APBA1: variants seen among roughly 807,000 people sequenced by gnomAD.
The protein encoded by APBA1 is amyloid-beta A4 precursor protein-binding family A member 1.
APBA1 carries 55 observed loss-of-function variants against 86.6 expected under a neutral mutation model. The observed-to-expected ratio is 0.64, with a 90% CI of 0.51 to 0.80. APBA1 has a LOEUF of 0.80. Among genes scored for constraint, APBA1 ranks in the 30% least tolerant of loss-of-function variants. The probability of loss-of-function intolerance (pLI) is 0.00; values close to 1 mark genes in which losing one functional copy is unlikely to be tolerated. For missense variants in APBA1, 1,090 were observed against 1,183.0 expected, an observed-to-expected ratio of 0.92 and a Z score of 1.15; for synonymous variants, 511 against 493.9, an observed-to-expected ratio of 1.03 and a Z score of -0.46.
intron 1 of APBA1, among the ~76,000 whole-genome samples, chr9:69,647,015 A>C (rs1823404755): frequency 6.6e-6 from 1 of 152,182 alleles, no homozygotes; most frequent in Admixed American, 6.5e-5. Flanking sequence ...TATGCTGCCA[A>C]TACTGCCTGC....
intron 10 of APBA1, among the ~76,000 whole-genome samples, chr9:69,444,430 T>C (rs1372818621): frequency 6.6e-6 from 1 of 152,192 alleles, no homozygotes; most frequent in Non-Finnish European, 1.5e-5. Context: ...ACTCTTGTGG[T>C]GTCAGAAAAC....
chr9:69,637,428 T>C (rs544590279), intron 1 of APBA1, among the ~76,000 whole-genome samples: 25 of 152,352 alleles, frequency 1.6e-4, no homozygotes, highest in African/African-American at 5.5e-4. Flanking sequence ...ATAGCCCATT[T>C]ACTGTGATGT....
At chr9:69,588,025 CAAAAAA>C (rs35212894) in intron 1 of APBA1, among the ~76,000 whole-genome samples, 1 of 106,678 alleles carries the variant, frequency 9.4e-6, no homozygotes, top group Non-Finnish European at 1.8e-5. Context: ...GACTCTGTCT[CAAAAAA>C]AAAAAAAAAA....
chr9:69,642,622 T>G (rs1823310001), intron 1 of APBA1, among the ~76,000 whole-genome samples: 1 of 152,038 alleles, frequency 6.6e-6, no homozygotes. Flanking sequence ...ATTCTATATG[T>G]TTTTGTGAAA....
At chr9:69,590,916 C>G (rs989289075) in intron 1 of APBA1, among the ~76,000 whole-genome samples, 1 of 152,138 alleles carries the variant, frequency 6.6e-6, no homozygotes, top group African/African-American at 2.4e-5. Context: ...AACCAAAGTC[C>G]TAAGAGAAAG....
At position 69,629,280 on chromosome 9, in the gene APBA1, T is replaced by C. The variant is rs563248391; in HGVS notation, c.-70+42873A>G. 3.9e-5 allele frequency among the ~76,000 whole-genome samples: 6 copies of C among 152,328 alleles called. No homozygotes were observed. The South Asian group carries it at 1.2e-3, about 32-fold the overall frequency. On this transcript the variant is annotated intron_variant, in intron 1 of 12. Transcript: ENST00000265381. ...TTAATTCTCAAATTTTAACTTCACA[T>C]TATGATTAGACAGCTGATGTTAATG...
At chr9:69,647,206 G>A (rs1823408978) in intron 1 of APBA1, among the ~76,000 whole-genome samples, 2 of 152,094 alleles carry the variant, frequency 1.3e-5, no homozygotes, top group South Asian at 4.1e-4. Context: ...ATAGCTTTTT[G>A]TTGTTGTTGT....
chr9:69,443,032 T>C (rs146977512), intron 10 of APBA1, among the ~76,000 whole-genome samples: 424 of 152,300 alleles, frequency 2.8e-3, no homozygotes, highest in African/African-American at 9.6e-3. Flanking sequence ...TTACAGGATA[T>C]GCTTTAGATT....
intron 1 of APBA1, among the ~76,000 whole-genome samples, chr9:69,536,920 C>G (rs970044755): frequency 6.0e-5 from 9 of 150,258 alleles, no homozygotes; most frequent in African/African-American, 2.2e-4. Flanking sequence ...TTACATAGCC[C>G]AAACCCCTCC....
intron 1 of APBA1, among the ~76,000 whole-genome samples, chr9:69,553,986 A>G (rs557262168): frequency 6.6e-6 from 1 of 152,308 alleles, no homozygotes; most frequent in Admixed American, 6.5e-5. Context: ...CCCTTGAGCC[A>G]TCTCAGCAGG....
intron 5 of APBA1, 37 bp downstream of exon 5, chr9:69,467,786 G>A (rs752594797): frequency 6.2e-7 from 1 of 1,612,914 alleles, no homozygotes; most frequent in East Asian, 2.2e-5. Context: ...GCCTACACCA[G>A]CCCCCTGTCC....
At position 69,476,094 on chromosome 9, in the gene APBA1, G is replaced by C; in HGVS notation, c.1250C>G (p.Thr417Arg). 6.2e-7 allele frequency: 1 copy of C among 1,614,200 alleles called. No homozygotes were observed. Among genetic ancestry groups the C allele is most frequent in the South Asian group, 1.1e-5 (1 of 91,076 alleles). ...CACAGGGTCACTGGGGTGAAGAGATGTGCTTGATGACTCTGCACCCAAGGG... is the reference window on the plus strand; with the variant it reads ...CACAGGGTCACTGGGGTGAAGAGATCTGCTTGATGACTCTGCACCCAAGGG... The part of the protein sequence containing the change: ...SSPLGAESSS[T>R]SLHPSDPVEA... Residue 417 changes from threonine (T) to arginine (R), a missense_variant, in exon 3 of 13, where the codon ACA (threonine) becomes AGA (arginine). Thr to Arg is a moderately conservative substitution (Grantham distance 71, BLOSUM62 -1). Coordinates refer to ENST00000265381, the MANE Select transcript of APBA1 (RefSeq NM_001163.4).
upstream of APBA1, chr9:69,672,651 C>G (rs1389019005): frequency 1.3e-5 from 2 of 151,610 alleles, no homozygotes; most frequent in Admixed American, 6.6e-5. Flanking sequence ...ACCCGCGCCT[C>G]TCGCCTTCCC....
chr9:69,592,602 A>G (rs1399796895), intron 1 of APBA1, among the ~76,000 whole-genome samples: 1 of 152,162 alleles, frequency 6.6e-6, no homozygotes, highest in Non-Finnish European at 1.5e-5. Flanking sequence ...CTCTTTAAAA[A>G]TAAATAAAGA....
chr9:69,670,523 G>A (rs1220561638), intron 1 of APBA1, among the ~76,000 whole-genome samples: 1 of 152,088 alleles, frequency 6.6e-6, no homozygotes, highest in Non-Finnish European at 1.5e-5. Context: ...AAGAAGTGTC[G>A]AGATATTAAG....
At chr9:69,605,127 T>A (rs1161020325) in intron 1 of APBA1, among the ~76,000 whole-genome samples, 3 of 152,186 alleles carry the variant, frequency 2.0e-5, no homozygotes, top group African/African-American at 7.2e-5. Context: ...CTCCTGCCCT[T>A]TAAAAATATT....
intron 2 of APBA1, among the ~76,000 whole-genome samples, chr9:69,511,880 A>G (rs1588330932): frequency 1.3e-5 from 2 of 150,972 alleles, no homozygotes; most frequent in South Asian, 2.1e-4. Flanking sequence ...CAATGAGATC[A>G]CATGGACACA....
At position 69,452,290 on chromosome 9, in the gene APBA1, A is replaced by C. The variant is rs1835024336; in HGVS notation, c.1800T>G (p.Ile600Met). ...HVFESEDAQL[I>M]AQSIGQAFSV... ...TAAATGCCTGTCCGATGGACTGTGCAATCAGCTGAGCCTGGAACAGCAGCC... is the reference window on the plus strand; with the variant it reads ...TAAATGCCTGTCCGATGGACTGTGCCATCAGCTGAGCCTGGAACAGCAGCC... The change falls in exon 9 of 13, where the codon ATT (isoleucine) becomes ATG (methionine). Residue 600 changes from isoleucine to methionine, a missense_variant. Transcript: ENST00000265381. 1 of 1,614,082 alleles carries C rather than the reference A, an allele frequency of 6.2e-7. No individual in the cohort carries two copies. Among genetic ancestry groups the C allele is most frequent in the South Asian group, 1.1e-5 (1 of 91,080 alleles).
At chr9:69,595,221 C>T (rs531633717) in intron 1 of APBA1, among the ~76,000 whole-genome samples, 29 of 152,248 alleles carry the variant, frequency 1.9e-4, no homozygotes, top group African/African-American at 6.7e-4. Flanking sequence ...AAGCCTAATG[C>T]TAAACACCAA....
Sources: gnomAD v4.1 joint callset for allele counts (sites outside exome capture counted in the v4.1 genomes callset) on GRCh38, gnomAD v4.1.1 for gene constraint, MANE v1.5 for transcripts, NCBI Gene and HGNC (gene_info 2026-07-23, HGNC 2026-07-21) for gene names.